CUX1: variants seen among roughly 807,000 people sequenced by gnomAD.
The protein encoded by CUX1 is protein CASP.
Under a neutral mutation model 158.8 loss-of-function variants are expected in CUX1, and 31 were observed. The observed-to-expected ratio is 0.20, with a 90% CI of 0.15 to 0.26. The LOEUF (loss-of-function observed/expected upper bound fraction) is 0.26, where lower values mean the gene tolerates loss of function less well. CUX1 is among the 10% of genes least tolerant of loss of function. CUX1 has a pLI of 1.00. For missense variants in CUX1, 1,589 were observed against 2,014.6 expected (o/e 0.79, Z 4.04); for synonymous variants, 879 against 862.1 (o/e 1.02, Z -0.34).
At chr7:102,073,165 C>CTTTTTTTTTTTTTTTTT (rs869202667) in intron 4 of CUX1, among the ~76,000 whole-genome samples, 1,362 of 66,824 alleles carry the variant, frequency 0.02, 246 homozygotes, top group Middle Eastern at 0.039. Flanking sequence ...TCTTTTCTTT[C>CTTTTTTTTTTTTTTTTT]TTTTTTTTTT....
chr7:102,109,558 C>A (rs531385334), intron 6 of CUX1, among the ~76,000 whole-genome samples: 1 of 151,886 alleles, frequency 6.6e-6, no homozygotes, highest in African/African-American at 2.4e-5. Context: ...CTAAGGCAGG[C>A]GGATCACTTG....
downstream of CUX1, among the ~76,000 whole-genome samples, chr7:102,259,184 G>C (rs181724353): frequency 6.6e-6 from 1 of 152,332 alleles, no homozygotes; most frequent in African/African-American, 2.4e-5. Flanking sequence ...ACACCCCCCA[G>C]TGCCAGGTGC....
Position 102,248,614 on chromosome 7 carries a change from G to T in CUX1, c.4090G>T (p.Glu1364Ter). 6.9e-7 allele frequency: 1 copy of T among 1,442,400 alleles called. No homozygotes were observed. Among genetic ancestry groups the T allele is most frequent in the Non-Finnish European group, 9.1e-7 (1 of 1,102,590 alleles). 89.4% of individuals were successfully genotyped at this position (1,442,400 alleles called of 1,614,324 possible). A position where few individuals can be genotyped will look rare whatever the true frequency, so the allele number is the denominator to read the frequency against. ...EPKSQGEAER[E>*]EVPRPAEQTE... The stretch of plus-strand genomic sequence containing the variant: ...CAAGTCTCAGGGAGAGGCCGAGCGG[G>T]AGGAGGTGCCGCGGCCGGCGGAGCA... The change falls in exon 24 of 24, where the codon GAG becomes TAG. Residue 1364 changes from glutamate to a stop codon, truncating the protein, a stop_gained. Transcript: ENST00000292535. LOFTEE classifies it low-confidence loss of function (END_TRUNC). The surrounding 1 kb of genome is among the most constrained non-coding windows in gnomAD (Gnocchi z 5.8).
chr7:102,212,155 G>A (rs989286908), intron 20 of CUX1, among the ~76,000 whole-genome samples: 1 of 152,148 alleles, frequency 6.6e-6, no homozygotes, highest in Non-Finnish European at 1.5e-5. Flanking sequence ...TTATGCAGGA[G>A]AACATGGGTA....
chr7:101,816,041 A>G (rs772940813), upstream of CUX1: 15 of 1,421,356 alleles, frequency 1.1e-5, no homozygotes, highest in African/African-American at 1.1e-4. Flanking sequence ...ATGGCGGCCA[A>G]TGTGGGATCG....
upstream of CUX1, chr7:101,817,481 G>T (rs1791986654): frequency 9.1e-7 from 1 of 1,093,328 alleles, no homozygotes; most frequent in Non-Finnish European, 1.1e-6. This position sits in a 1 kb window ranked among gnomAD's most constrained non-coding sequence, Gnocchi z 4.1. Context: ...GGACCGTGCC[G>T]GGGCTCCCCG....
In CUX1 at chr7:102,250,414, AG is replaced by A. The variant is rs1801374077; in HGVS notation, c.*1376del. On this transcript the variant is annotated 3_prime_UTR_variant, in exon 24 of 24. Transcript: ENST00000292535. ...GATACCTGATGAACTGAGCCCTCCC[AG>A]GGGAAGACACTCCCCAGGCCTGGGC... 1 of 985,472 alleles carries A rather than the reference AG, an allele frequency of 1.0e-6. No homozygotes were observed. 61.0% of individuals were successfully genotyped at this position (985,472 alleles called of 1,614,324 possible).
Position 102,197,281 on chromosome 7 carries a change from C to T in CUX1, c.1870C>T (p.Arg624Cys), listed in dbSNP as rs371099197. Residue 624 changes from arginine (R) to cysteine (C), a missense_variant, in exon 15 of 24, where the codon CGT becomes TGT. This residue lies in a region of CUX1 where 37 missense variants were observed against 124.9 expected (regional missense o/e 0.30). Coordinates refer to ENST00000292535, the MANE Select transcript of CUX1 (RefSeq NM_181552.4). ...LSDEQNILAL[R>C]SIQGRQRENP... ...CGATGAGCAGAACATCCTGGCCCTC[C>T]GTAGCATCCAAGGCAGACAAAGAGG... The T allele has an allele frequency of 1.2e-6, 2 of 1,613,642 alleles. No homozygotes were observed. The highest frequency in any genetic ancestry group is 1.6e-4 in the Middle Eastern group (1 of 6,062).
upstream of CUX1, chr7:101,816,837 GCCGGCCCCGGCCGCCGCCCCCGGCTGTCA>G: frequency 1.2e-6 from 1 of 850,280 alleles, no homozygotes; most frequent in Non-Finnish European, 1.4e-6. Context: ...GCTACCCCCG[GCCGGCCCCGGCCGCCGCCCCCGGCTGTCA>G]CCGGCCCGGG....
chr7:102,076,751 G>A (rs1585556196), intron 4 of CUX1, among the ~76,000 whole-genome samples: 1 of 152,116 alleles, frequency 6.6e-6, no homozygotes, highest in East Asian at 1.9e-4. Flanking sequence ...GCGACCGGGT[G>A]CAGTGGCTCA....
At chr7:102,243,672 AATAAT>A (rs1554535804) in intron 23 of CUX1, among the ~76,000 whole-genome samples, 34 of 147,066 alleles carry the variant, frequency 2.3e-4, no homozygotes, top group African/African-American at 4.5e-4. Flanking sequence ...TAATAATAAT[AATAAT>A]AAAATAAATG....
At chr7:102,010,030 G>A (rs1373975746) in intron 2 of CUX1, among the ~76,000 whole-genome samples, 1 of 152,064 alleles carries the variant, frequency 6.6e-6, no homozygotes, top group East Asian at 1.9e-4. Flanking sequence ...CAGAACTGCG[G>A]ACTTCTTAAA....
intron 2 of CUX1, among the ~76,000 whole-genome samples, chr7:101,993,103 G>A (rs1196096117): frequency 6.6e-6 from 1 of 152,166 alleles, no homozygotes; most frequent in Non-Finnish European, 1.5e-5. Flanking sequence ...GCCAAAGCAG[G>A]AGGATCACCT....
At chr7:102,197,659 T>C (rs1794933534) in intron 15 of CUX1, among the ~76,000 whole-genome samples, 1 of 152,152 alleles carries the variant, frequency 6.6e-6, no homozygotes, top group Non-Finnish European at 1.5e-5. Flanking sequence ...GTCTCACTTT[T>C]GGGAGGAGCC....
intron 6 of CUX1, among the ~76,000 whole-genome samples, chr7:102,107,669 T>C (rs1441533012): frequency 6.6e-6 from 1 of 152,162 alleles, no homozygotes; most frequent in Non-Finnish European, 1.5e-5. Flanking sequence ...GGATCTGCAA[T>C]GTAGACCATC....
chr7:102,283,087 G>A lies in CUX1; in HGVS notation c.2034G>A (p.Gln678=), dbSNP rs782037167. ...GGGCTGCGGCTGGTGACTTGTGGCA[G>A]TGATACCCCGGGGCCTCCCCCGTGA... Residue 678 remains glutamine, a synonymous_variant, in exon 23 of 23, where the codon CAG becomes CAA. Transcript: ENST00000292538. 1.9e-6 allele frequency: 3 copies of A among 1,613,528 alleles called. No individual in the cohort carries two copies. In the Admixed American group the frequency reaches 5.0e-5, roughly 27 times the overall value.
intron 3 of CUX1, among the ~76,000 whole-genome samples, chr7:102,034,145 C>CAAAAA (rs10655613): frequency 0.42 from 20,206 of 48,252 alleles, 7,163 homozygotes; most frequent in East Asian, 0.88. Flanking sequence ...GACTCCATCT[C>CAAAAA]AAAAAAAAAA....
At chr7:101,960,037 TGA>T (rs1491300443) in intron 2 of CUX1, 1 of 152,096 alleles carries the variant, frequency 6.6e-6, no homozygotes, top group Non-Finnish European at 1.5e-5. Context: ...GAAATGAAAT[TGA>T]GAGAGCTTTT....
intron 8 of CUX1, among the ~76,000 whole-genome samples, chr7:102,146,446 A>G (rs757287027): frequency 2.0e-5 from 3 of 152,202 alleles, no homozygotes; most frequent in African/African-American, 4.8e-5. Flanking sequence ...TTCATCAGCT[A>G]TACTCGGACT....
Sources: gnomAD v4.1 joint callset for allele counts (sites outside exome capture counted in the v4.1 genomes callset) on GRCh38, gnomAD v4.1.1 for gene constraint, gnomAD v4.1.1 regional missense constraint, Gnocchi (gnomAD v3.1) non-coding constraint, MANE v1.5 for transcripts, NCBI Gene and HGNC (gene_info 2026-07-23, HGNC 2026-07-21) for gene names.